The following PSMA1 variants were observed in gnomAD, a reference collection of about 807,000 sequenced individuals.
The protein encoded by PSMA1 is proteasome subunit alpha type-1.
PSMA1 carries 3 observed loss-of-function variants against 38.4 expected under a neutral mutation model. That is an observed-to-expected ratio of 0.08 (90% confidence interval 0.04 to 0.20). The LOEUF is 0.20. Ranked by LOEUF, PSMA1 falls within the 10% of genes least tolerant of loss-of-function variation. PSMA1 has a pLI of 1.00. For synonymous variants in PSMA1, 101 were observed against 107.1 expected (o/e 0.94, Z 0.35); for missense variants, 227 against 325.3 (o/e 0.70, Z 2.32).
At chr11:14,602,983 TG>T (rs1162191196) in intron 2 of PSMA1, among the ~76,000 whole-genome samples, 6 of 152,042 alleles carry the variant, frequency 3.9e-5, no homozygotes, top group African/African-American at 7.2e-5. Context: ...ACTATAGATG[TG>T]GGGGTTTGAT....
At chr11:14,590,319 G>A (rs1852395747) in intron 2 of PSMA1, among the ~76,000 whole-genome samples, 1 of 152,110 alleles carries the variant, frequency 6.6e-6, no homozygotes, top group Admixed American at 6.5e-5. Context: ...CATTCAACAC[G>A]GTTAAGATAG....
At chr11:14,544,299 G>A (rs1462913366) in intron 2 of PSMA1, among the ~76,000 whole-genome samples, 1 of 152,158 alleles carries the variant, frequency 6.6e-6, no homozygotes, top group Non-Finnish European at 1.5e-5. Context: ...CTCTCAAAGT[G>A]CTGGGATTAC....
At chr11:14,588,320 T>C (rs1852373048) in intron 2 of PSMA1, among the ~76,000 whole-genome samples, 1 of 152,222 alleles carries the variant, frequency 6.6e-6, no homozygotes, top group South Asian at 2.1e-4. Context: ...GCTATAACCA[T>C]GCACGTACAT....
chr11:14,628,223 T>C (rs575863280), intron 1 of PSMA1, among the ~76,000 whole-genome samples: 23 of 151,764 alleles, frequency 1.5e-4, no homozygotes, highest in Admixed American at 3.9e-4. Context: ...TTGTGCAGGT[T>C]AGTTACATAT....
intron 2 of PSMA1, among the ~76,000 whole-genome samples, chr11:14,546,024 G>A (rs1851822278): frequency 6.6e-6 from 1 of 152,124 alleles, no homozygotes; most frequent in Admixed American, 6.5e-5. Flanking sequence ...CTCCTTTGGG[G>A]GGGTCCATCA....
intron 2 of PSMA1, among the ~76,000 whole-genome samples, chr11:14,540,692 GC>G (rs1352928180): frequency 6.6e-6 from 1 of 152,158 alleles, no homozygotes; most frequent in Non-Finnish European, 1.5e-5. Flanking sequence ...CTGCAGAAAA[GC>G]CCAGTTAAAG....
intron 2 of PSMA1, among the ~76,000 whole-genome samples, chr11:14,584,890 ATGC>A (rs1424513453): frequency 1.3e-5 from 2 of 152,174 alleles, no homozygotes; most frequent in Non-Finnish European, 2.9e-5. Context: ...CGAGGATCAG[ATGC>A]TAGTGTTCCT....
At chr11:14,600,862 T>G (rs963012667) in intron 2 of PSMA1, among the ~76,000 whole-genome samples, 3 of 152,232 alleles carry the variant, frequency 2.0e-5, no homozygotes, top group Non-Finnish European at 2.9e-5. Flanking sequence ...CTGTTCCTAT[T>G]TGGCCATCTT....
chr11:14,628,959 T>A (rs1852959311), intron 1 of PSMA1, among the ~76,000 whole-genome samples: 1 of 151,348 alleles, frequency 6.6e-6, no homozygotes, highest in Non-Finnish European at 1.5e-5. Context: ...GCTGCATAAA[T>A]GTCTTCTTTT....
intron 2 of PSMA1, among the ~76,000 whole-genome samples, chr11:14,548,401 C>T (rs1851850816): frequency 6.6e-6 from 1 of 152,168 alleles, no homozygotes; most frequent in East Asian, 1.9e-4. Flanking sequence ...GGTGTATACA[C>T]ACCTGTACAC....
chr11:14,597,895 T>C (rs944792147), intron 2 of PSMA1, among the ~76,000 whole-genome samples: 1 of 152,104 alleles, frequency 6.6e-6, no homozygotes, highest in Non-Finnish European at 1.5e-5. Context: ...TAGTGCTATA[T>C]ATTTCCCTCT....
chr11:14,548,394 G>C (rs550302130), intron 2 of PSMA1, among the ~76,000 whole-genome samples: 1 of 152,092 alleles, frequency 6.6e-6, no homozygotes, highest in African/African-American at 2.4e-5. Context: ...TGTATGTGGT[G>C]TATACACACC....
chr11:14,620,157 A>G (rs559351248), intron 1 of PSMA1, among the ~76,000 whole-genome samples: 2 of 152,230 alleles, frequency 1.3e-5, no homozygotes, highest in South Asian at 4.1e-4. Flanking sequence ...GTTCTTTTTA[A>G]AAAGACAATT....
At chr11:14,585,847 C>A (rs1804698612) in intron 2 of PSMA1, among the ~76,000 whole-genome samples, 6 of 152,118 alleles carry the variant, frequency 3.9e-5, no homozygotes, top group African/African-American at 1.4e-4. Flanking sequence ...TCTCTTCCCT[C>A]CACTGCAAGA....
At chr11:14,625,996 C>CA (rs1031314660) in intron 1 of PSMA1, among the ~76,000 whole-genome samples, 3 of 152,078 alleles carry the variant, frequency 2.0e-5, no homozygotes, top group Non-Finnish European at 4.4e-5. Flanking sequence ...ATGTAGTATA[C>CA]AATGTTGACT....
At chr11:14,596,664 T>C (rs1016399670) in intron 2 of PSMA1, among the ~76,000 whole-genome samples, 1 of 152,242 alleles carries the variant, frequency 6.6e-6, no homozygotes, top group Admixed American at 6.5e-5. Flanking sequence ...TGGGGTTTTC[T>C]AAATATACAA....
chr11:14,610,180 T>C (rs1176580709), intron 2 of PSMA1, among the ~76,000 whole-genome samples: 3 of 152,230 alleles, frequency 2.0e-5, no homozygotes, highest in Non-Finnish European at 4.4e-5. Context: ...GCAACACCTC[T>C]GGGTTCTACA....
chr11:14,612,613 T>C (rs754637963), intron 1 of PSMA1, among the ~76,000 whole-genome samples: 3 of 152,142 alleles, frequency 2.0e-5, no homozygotes, highest in Admixed American at 1.3e-4. Context: ...GAAAAATACA[T>C]AGATGACTAG....
chr11:14,584,502 T>C (rs1315666845), intron 2 of PSMA1, among the ~76,000 whole-genome samples: 1 of 149,320 alleles, frequency 6.7e-6, no homozygotes. Flanking sequence ...TTTTTTTTGT[T>C]TTTTGTTTTT....
Sources: allele counts gnomAD v4.1 joint callset (sites outside exome capture counted in the v4.1 genomes callset), GRCh38; gene constraint gnomAD v4.1.1; transcripts MANE v1.5; gene names NCBI Gene and HGNC (gene_info 2026-07-23, HGNC 2026-07-21).